Variants in KCNIP4 observed in about 807,000 individuals in gnomAD.
KCNIP4 encodes potassium voltage-gated channel interacting protein 4.
A neutral mutation model predicts 34.0 loss-of-function variants in KCNIP4; 12 were observed. The observed-to-expected ratio is 0.35, with a 90% CI of 0.23 to 0.57. The LOEUF (loss-of-function observed/expected upper bound fraction) is 0.57. Ranked by LOEUF, KCNIP4 falls within the 20% of genes least tolerant of loss-of-function variation. KCNIP4 has a pLI of 0.83. For synonymous variants in KCNIP4, 124 were observed against 102.2 expected (o/e 1.21, Z -1.29); for missense variants, 238 against 311.7 (o/e 0.76, Z 1.78).
rs16871078 is a variant in KCNIP4, at chr4:21,440,165, C to T, written c.61+508406G>A. Among the ~76,000 whole-genome samples, 2,426 of 152,312 alleles carry T rather than the reference C, an allele frequency of 0.016. 128 individuals are homozygous for T. In the East Asian group the frequency reaches 0.16, roughly 10 times the overall value. On this transcript the variant is annotated intron_variant, in intron 1 of 8. Coordinates refer to ENST00000382152, the MANE Select transcript of KCNIP4 (RefSeq NM_025221.6). The stretch of plus-strand genomic sequence containing the variant: ...TCAAATTCACTAGTATCCAGCTTAA[C>T]ATTGTTGCAATATCATTAATAGTAC...
intron 1 of KCNIP4, among the ~76,000 whole-genome samples, chr4:21,368,650 G>C (rs181259103): frequency 6.8e-6 from 1 of 147,380 alleles, no homozygotes; most frequent in Non-Finnish European, 1.5e-5. Context: ...AGCCTGTGAA[G>C]TTACTTATCG....
intron 1 of KCNIP4, among the ~76,000 whole-genome samples, chr4:21,857,910 C>T (rs1409609120): frequency 6.6e-6 from 1 of 152,190 alleles, no homozygotes; most frequent in African/African-American, 2.4e-5. Flanking sequence ...TGGGGTTCTG[C>T]AGTTTCTGGT....
intron 1 of KCNIP4, among the ~76,000 whole-genome samples, chr4:21,377,722 T>A (rs1021780194): frequency 2.7e-4 from 41 of 152,306 alleles, no homozygotes; most frequent in African/African-American, 9.6e-4. Flanking sequence ...TAAAGCCCCA[T>A]GAAAATGAAG....
At chr4:21,743,274 C>T (rs1716541224) in intron 1 of KCNIP4, among the ~76,000 whole-genome samples, 2 of 152,088 alleles carry the variant, frequency 1.3e-5, no homozygotes, top group African/African-American at 4.8e-5. Flanking sequence ...GAAAATCTGA[C>T]TTCTTGCTTT....
chr4:20,729,551 A>ATAGAAACTGGAACTATGTGTTTTTT lies in KCNIP4; in HGVS notation c.*506_*530dup, dbSNP rs1373445147. The stretch of plus-strand genomic sequence containing the variant: ...ATTTCTAACAGAAGGTGGGAAGGCC[A>ATAGAAACTGGAACTATGTGTTTTTT]TAGAAACTGGAACTATGTGTTTTTT... On this transcript the variant is annotated 3_prime_UTR_variant, in exon 9 of 9. Transcript: ENST00000382152. 1 of 149,426 alleles carries ATAGAAACTGGAACTATGTGTTTTTT rather than the reference A, an allele frequency of 6.7e-6. No individual in the cohort carries two copies. The highest frequency in any genetic ancestry group is 1.5e-5 in the Non-Finnish European group (1 of 67,044). The allele number at this position is 149,426 out of a possible 1,614,324, so 9.3% of individuals were successfully genotyped here.
At chr4:21,506,955 CT>C (rs1733897188) in intron 1 of KCNIP4, among the ~76,000 whole-genome samples, 1 of 151,838 alleles carries the variant, frequency 6.6e-6, no homozygotes, top group African/African-American at 2.4e-5. Flanking sequence ...CCACATCCGT[CT>C]TTTTTTGTGT....
chr4:21,621,684 G>C (rs1745008403), intron 1 of KCNIP4, among the ~76,000 whole-genome samples: 1 of 151,984 alleles, frequency 6.6e-6, no homozygotes, highest in South Asian at 2.1e-4. Context: ...AGACAAAAAG[G>C]CAAAAGGAGG....
chr4:21,112,403 A>C (rs568937277), intron 1 of KCNIP4, among the ~76,000 whole-genome samples: 1 of 152,298 alleles, frequency 6.6e-6, no homozygotes, highest in Admixed American at 6.5e-5. Context: ...CCCACTTTGT[A>C]TGCGGATGGA....
intron 1 of KCNIP4, among the ~76,000 whole-genome samples, chr4:21,033,212 C>A (rs1047517751): frequency 1.3e-5 from 2 of 152,156 alleles, no homozygotes; most frequent in Non-Finnish European, 2.9e-5. Flanking sequence ...CACATAAGAA[C>A]TCATCCCTGT....
intron 1 of KCNIP4, among the ~76,000 whole-genome samples, chr4:20,988,586 G>A (rs1356457673): frequency 6.6e-6 from 1 of 152,160 alleles, no homozygotes; most frequent in African/African-American, 2.4e-5. Context: ...TAGCAAGATT[G>A]AGAAAAACGT....
At chr4:21,475,791 A>T (rs1304276981) in intron 1 of KCNIP4, among the ~76,000 whole-genome samples, 1 of 152,206 alleles carries the variant, frequency 6.6e-6, no homozygotes, top group Non-Finnish European at 1.5e-5. Flanking sequence ...TCTGATTTTG[A>T]CATATAAAAA....
chr4:21,766,066 GCTCT>G (rs1226898215), intron 1 of KCNIP4, among the ~76,000 whole-genome samples: 13 of 152,160 alleles, frequency 8.5e-5, no homozygotes, highest in East Asian at 1.9e-4. Flanking sequence ...CCTGATTAAC[GCTCT>G]CTGAGTCAGG....
intron 1 of KCNIP4, among the ~76,000 whole-genome samples, chr4:21,007,685 G>T (rs968442639): frequency 6.6e-6 from 1 of 152,122 alleles, no homozygotes; most frequent in Non-Finnish European, 1.5e-5. Context: ...GGTGAGATCC[G>T]AATTTAATGG....
At chr4:21,407,147 T>C (rs1416721686) in intron 1 of KCNIP4, among the ~76,000 whole-genome samples, 1 of 151,982 alleles carries the variant, frequency 6.6e-6, no homozygotes, top group African/African-American at 2.4e-5. Flanking sequence ...CTAGCAAGAT[T>C]GGACTCTTAA....
chr4:21,113,018 T>G (rs1273652893), intron 1 of KCNIP4, among the ~76,000 whole-genome samples: 1 of 152,212 alleles, frequency 6.6e-6, no homozygotes, highest in Non-Finnish European at 1.5e-5. Context: ...CCTGATGTTT[T>G]TCTATACACA....
rs183182466 is a variant in KCNIP4, at chr4:21,471,354, C to T, written c.61+477217G>A. ...AATTAGGGCAGTAGAGTACTAATTC[C>T]CAGAGTCCTAATAAATTTGACTTCC... is the stretch of plus-strand genomic sequence containing the variant. On this transcript the variant is annotated intron_variant, in intron 1 of 8. Transcript: ENST00000382152. Among the ~76,000 whole-genome samples the T allele has an allele frequency of 3.0e-4, 45 of 152,156 alleles. No homozygotes were observed. In the South Asian group the frequency reaches 3.5e-3, roughly 12 times the overall value.
intron 1 of KCNIP4, among the ~76,000 whole-genome samples, chr4:21,631,085 C>T (rs1159242451): frequency 6.6e-6 from 1 of 152,148 alleles, no homozygotes; most frequent in Non-Finnish European, 1.5e-5. Context: ...ACCTCTGTAT[C>T]TTATTATTGC....
intron 1 of KCNIP4, among the ~76,000 whole-genome samples, chr4:21,632,352 T>C (rs1328157145): frequency 6.6e-6 from 1 of 152,052 alleles, no homozygotes; most frequent in African/African-American, 2.4e-5. Flanking sequence ...TACCTGAGAT[T>C]ACAGGTGCGA....
chr4:21,281,025 G>A lies in KCNIP4; in HGVS notation c.62-398316C>T, dbSNP rs191486205. On this transcript the variant is annotated intron_variant, in intron 1 of 8. Transcript: ENST00000382152. ...TCACGTCCTCAATTCTATAAGATACGCTTTATCCTCTCTATAATAGTTTAA... is the reference window on the plus strand; with the variant it reads ...TCACGTCCTCAATTCTATAAGATACACTTTATCCTCTCTATAATAGTTTAA... Among the ~76,000 whole-genome samples, 28 of 151,458 alleles carry A rather than the reference G, an allele frequency of 1.8e-4. 1 individual carries two copies. In the East Asian group the frequency reaches 3.7e-3, roughly 20 times the overall value.
Sources: gnomAD v4.1 joint callset for allele counts (sites outside exome capture counted in the v4.1 genomes callset) on GRCh38, gnomAD v4.1.1 for gene constraint, MANE v1.5 for transcripts, NCBI Gene and HGNC (gene_info 2026-07-23, HGNC 2026-07-21) for gene names.